The following TMEM163 variants were observed in gnomAD, a reference collection of about 807,000 sequenced individuals.
The protein encoded by TMEM163 is transmembrane protein 163.
TMEM163 carries 17 observed loss-of-function variants against 29.3 expected under a neutral mutation model. The ratio of observed to expected loss-of-function variants is 0.58; its 90% CI spans 0.40 to 0.87. The LOEUF (loss-of-function observed/expected upper bound fraction) is 0.87, where lower values mean the gene tolerates loss of function less well. Ranked by LOEUF, TMEM163 falls within the 40% of genes least tolerant of loss-of-function variation. TMEM163 has a pLI of 0.00. For synonymous variants in TMEM163, 157 were observed against 160.6 expected, an observed-to-expected ratio of 0.98 and a Z score of 0.17; for missense variants, 303 against 381.5, an observed-to-expected ratio of 0.79 and a Z score of 1.71.
chr2:134,598,425 C>T (rs1682142850), intron 2 of TMEM163, among the ~76,000 whole-genome samples: 1 of 152,188 alleles, frequency 6.6e-6, no homozygotes, highest in Admixed American at 6.5e-5. Flanking sequence ...ATAATTCTCA[C>T]AGCCATCGTG....
rs759891715 is a variant in TMEM163, at chr2:134,718,701, G to C, written c.202+33C>G. On this transcript the variant is annotated intron_variant, in intron 1 of 7. Transcript: ENST00000281924. ...GAGGCGGGCCCCGAGCAGCCACCCC[G>C]GTCGCCGGCCGGGTCGGGCAGCTCG... 14 of 1,133,394 alleles carry C rather than the reference G, an allele frequency of 1.2e-5. No homozygotes were observed. The East Asian group carries it at 2.3e-4, about 19-fold the overall frequency. 70.2% of individuals were successfully genotyped at this position (1,133,394 alleles called of 1,614,324 possible). A position where few individuals can be genotyped will look rare whatever the true frequency, so the allele number is the denominator to read the frequency against.
chr2:134,586,736 A>G (rs1681831341), intron 2 of TMEM163, among the ~76,000 whole-genome samples: 3 of 152,224 alleles, frequency 2.0e-5, no homozygotes, highest in African/African-American at 7.2e-5. Flanking sequence ...CAACAGCAGC[A>G]GAACTCCTGG....
At chr2:134,537,229 G>GA (rs1034579100) in intron 4 of TMEM163, among the ~76,000 whole-genome samples, 4 of 152,184 alleles carry the variant, frequency 2.6e-5, no homozygotes, top group African/African-American at 9.7e-5. Flanking sequence ...ACCTGCGGGA[G>GA]AAAAAGGGAA....
chr2:134,683,517 C>A (rs1684291852), intron 2 of TMEM163, among the ~76,000 whole-genome samples: 1 of 151,664 alleles, frequency 6.6e-6, no homozygotes, highest in South Asian at 2.1e-4. Context: ...GATCATAGAG[C>A]AAACAACAGG....
At chr2:134,695,250 G>A (rs1360632040) in intron 2 of TMEM163, among the ~76,000 whole-genome samples, 1 of 151,902 alleles carries the variant, frequency 6.6e-6, no homozygotes, top group African/African-American at 2.4e-5. Context: ...CTAATTTTTT[G>A]TATTTCCAGT....
chr2:134,661,718 A>G (rs1233638310), intron 2 of TMEM163, among the ~76,000 whole-genome samples: 2 of 152,056 alleles, frequency 1.3e-5, no homozygotes, highest in African/African-American at 4.8e-5. Flanking sequence ...CCATTTACAC[A>G]TTATGCAAAT....
chr2:134,558,257 G>T (rs965991012), intron 2 of TMEM163, among the ~76,000 whole-genome samples: 1 of 152,200 alleles, frequency 6.6e-6, no homozygotes, highest in Middle Eastern at 3.2e-3. Context: ...GACCAAGAAA[G>T]CCAGCAAGTG....
chr2:134,511,886 C>T (rs1315034540), intron 4 of TMEM163, among the ~76,000 whole-genome samples: 1 of 152,202 alleles, frequency 6.6e-6, no homozygotes, highest in African/African-American at 2.4e-5. Context: ...GGTACAACTG[C>T]TTGTCTATGC....
intron 2 of TMEM163, among the ~76,000 whole-genome samples, chr2:134,694,370 G>T (rs533405064): frequency 1.3e-5 from 2 of 152,178 alleles, no homozygotes; most frequent in Non-Finnish European, 2.9e-5. Flanking sequence ...AGAGGGTAAC[G>T]AATCTCTAAT....
At chr2:134,560,547 G>A (rs917252719) in intron 2 of TMEM163, among the ~76,000 whole-genome samples, 3 of 152,158 alleles carry the variant, frequency 2.0e-5, no homozygotes, top group African/African-American at 7.2e-5. Context: ...GGCACTTTCT[G>A]GGGCACAATG....
At chr2:134,550,132 G>C (rs1174168889) in intron 4 of TMEM163, among the ~76,000 whole-genome samples, 1 of 152,060 alleles carries the variant, frequency 6.6e-6, no homozygotes, top group African/African-American at 2.4e-5. Flanking sequence ...TGAAGACCGG[G>C]GCAAGCAACA....
intron 2 of TMEM163, among the ~76,000 whole-genome samples, chr2:134,611,613 G>A (rs1434481425): frequency 1.3e-5 from 2 of 152,122 alleles, no homozygotes; most frequent in Non-Finnish European, 2.9e-5. Flanking sequence ...AGAGTGATGA[G>A]CAAAAGAACA....
intron 2 of TMEM163, among the ~76,000 whole-genome samples, chr2:134,649,063 A>AAAC (rs1683405363): frequency 6.6e-6 from 1 of 152,268 alleles, no homozygotes; most frequent in African/African-American, 2.4e-5. Context: ...CCTGCGACAT[A>AAAC]TCAAAAAGTT....
At chr2:134,567,846 C>T (rs1250422649) in intron 2 of TMEM163, among the ~76,000 whole-genome samples, 1 of 152,146 alleles carries the variant, frequency 6.6e-6, no homozygotes, top group Non-Finnish European at 1.5e-5. Context: ...CAAGTCTTTG[C>T]AATGATGTAA....
chr2:134,585,715 C>G (rs979167743), intron 2 of TMEM163, among the ~76,000 whole-genome samples: 18 of 147,368 alleles, frequency 1.2e-4, no homozygotes, highest in African/African-American at 4.6e-4. Context: ...GCACTCCAGC[C>G]TGGGCGACAG....
rs146195522 is a variant in TMEM163, at chr2:134,666,764, G to A, written c.322+46436C>T. Among the ~76,000 whole-genome samples, 12 of 152,302 alleles carry A rather than the reference G, an allele frequency of 7.9e-5. No homozygotes were observed. The East Asian group carries it at 1.2e-3, about 15-fold the overall frequency. On this transcript the variant is annotated intron_variant, in intron 2 of 7. Transcript: ENST00000281924. ...TTTCCTCATCTATAAAAAGGAGATC[G>A]TAATAGTGTCTGCCTACCACATATG...
chr2:134,651,751 C>A (rs1424618638), intron 2 of TMEM163, among the ~76,000 whole-genome samples: 1 of 105,136 alleles, frequency 9.5e-6, no homozygotes, highest in Non-Finnish European at 1.8e-5. Flanking sequence ...CCAGTTTCAG[C>A]TTTCTACATA....
At chr2:134,572,667 T>C (rs1212648635) in intron 2 of TMEM163, among the ~76,000 whole-genome samples, 1 of 152,192 alleles carries the variant, frequency 6.6e-6, no homozygotes, top group Non-Finnish European at 1.5e-5. Context: ...CCCACTTGGC[T>C]TGATGTCACG....
intron 2 of TMEM163, among the ~76,000 whole-genome samples, chr2:134,590,823 C>T (rs1681919316): frequency 6.6e-6 from 1 of 152,102 alleles, no homozygotes; most frequent in Admixed American, 6.5e-5. Context: ...GTCAGGCAGG[C>T]AGTTAGGATA....
Sources: allele counts gnomAD v4.1 joint callset (sites outside exome capture counted in the v4.1 genomes callset), GRCh38; gene constraint gnomAD v4.1.1; transcripts MANE v1.5; gene names NCBI Gene and HGNC (gene_info 2026-07-23, HGNC 2026-07-21).